CA10: variants seen among roughly 807,000 people sequenced by gnomAD.
CA10 encodes the protein carbonic anhydrase 10 (inactive).
CA10 carries 14 observed loss-of-function variants against 44.2 expected under a neutral mutation model. The observed-to-expected ratio is 0.32, with a 90% CI of 0.21 to 0.50. The LOEUF is 0.50. Ranked by LOEUF, CA10 falls within the 20% of genes least tolerant of loss-of-function variation. The probability of loss-of-function intolerance (pLI) is 0.99; values close to 1 mark genes in which losing one functional copy is unlikely to be tolerated. For synonymous variants in CA10, 159 were observed against 141.6 expected, an observed-to-expected ratio of 1.12 and a Z score of -0.87; for missense variants, 350 against 409.7, an observed-to-expected ratio of 0.85 and a Z score of 1.26.
At chr17:52,037,290 A>G (rs1986646147) in intron 2 of CA10, among the ~76,000 whole-genome samples, 1 of 152,100 alleles carries the variant, frequency 6.6e-6, no homozygotes, top group South Asian at 2.1e-4. Context: ...AGCATTGAGA[A>G]GTAGAAAAGA....
At chr17:52,070,612 C>A (rs911223379) in intron 2 of CA10, 1 of 152,174 alleles carries the variant, frequency 6.6e-6, no homozygotes, top group Admixed American at 6.5e-5. Flanking sequence ...GTTACTGCTT[C>A]CCATGTAGTA....
intron 4 of CA10, among the ~76,000 whole-genome samples, chr17:51,697,071 T>C (rs1195483073): frequency 2.1e-5 from 3 of 146,178 alleles, no homozygotes; most frequent in Non-Finnish European, 4.4e-5. Flanking sequence ...TAAGAGGTAA[T>C]AATGCAACGT....
intron 4 of CA10, among the ~76,000 whole-genome samples, chr17:51,692,391 CTATCTA>C (rs1915236325): frequency 7.8e-6 from 1 of 127,802 alleles, no homozygotes. Context: ...ATCTATCTAT[CTATCTA>C]TCTATCTATC....
At chr17:51,955,668 C>T (rs1983639148) in intron 2 of CA10, among the ~76,000 whole-genome samples, 1 of 152,136 alleles carries the variant, frequency 6.6e-6, no homozygotes, top group Non-Finnish European at 1.5e-5. Context: ...TCAAAGCCTT[C>T]TACTCTAAGC....
intron 3 of CA10, among the ~76,000 whole-genome samples, chr17:51,899,405 T>C (rs1981213190): frequency 6.6e-6 from 1 of 152,142 alleles, no homozygotes; most frequent in African/African-American, 2.4e-5. Flanking sequence ...TTGATTGCAC[T>C]GGGGTATGAG....
chr17:51,962,910 G>C (rs1285026102), intron 2 of CA10, among the ~76,000 whole-genome samples: 1 of 152,142 alleles, frequency 6.6e-6, no homozygotes, highest in African/African-American at 2.4e-5. Context: ...TAGTTCTCCA[G>C]CAATGGTCTC....
chr17:51,863,068 C>T (rs1979384522), intron 3 of CA10, among the ~76,000 whole-genome samples: 1 of 152,122 alleles, frequency 6.6e-6, no homozygotes, highest in Non-Finnish European at 1.5e-5. Flanking sequence ...AAATTGTATA[C>T]ACCCTCTAAA....
chr17:51,697,459 T>C (rs1359085404), intron 4 of CA10, among the ~76,000 whole-genome samples: 1 of 152,246 alleles, frequency 6.6e-6, no homozygotes, highest in Non-Finnish European at 1.5e-5. Flanking sequence ...ACATCAAGTC[T>C]TGGCTCTCAT....
chr17:51,892,120 G>C lies in CA10; in HGVS notation c.279+38870C>G, dbSNP rs553772087. Among the ~76,000 whole-genome samples the C allele has an allele frequency of 1.6e-4, 25 of 152,298 alleles. No individual in the cohort carries two copies. In the East Asian group the frequency reaches 4.3e-3, roughly 26 times the overall value. ...TTAATTTGGCTGTAATGCATGGCTGGACTTGGAGAGAATAGTTACAAAGAG... is the reference window on the plus strand; with the variant it reads ...TTAATTTGGCTGTAATGCATGGCTGCACTTGGAGAGAATAGTTACAAAGAG... On this transcript the variant is annotated intron_variant, in intron 3 of 8. Coordinates refer to ENST00000451037, the MANE Select transcript of CA10 (RefSeq NM_020178.5).
intron 2 of CA10, among the ~76,000 whole-genome samples, chr17:52,033,204 T>C (rs1257187403): frequency 6.6e-6 from 1 of 152,162 alleles, no homozygotes; most frequent in African/African-American, 2.4e-5. Flanking sequence ...AGTAGTAAAA[T>C]TGGATACTGT....
At chr17:51,880,587 A>G (rs1483752292) in intron 3 of CA10, among the ~76,000 whole-genome samples, 1 of 152,098 alleles carries the variant, frequency 6.6e-6, no homozygotes, top group Non-Finnish European at 1.5e-5. Flanking sequence ...TAGGTGTGAG[A>G]CATTGTGCCC....
chr17:51,995,962 C>T (rs1985220748), intron 2 of CA10, among the ~76,000 whole-genome samples: 2 of 152,042 alleles, frequency 1.3e-5, no homozygotes, highest in South Asian at 4.1e-4. Context: ...CTTCAGAACT[C>T]ACTATTATAC....
At chr17:51,716,533 G>C (rs1217787564) in intron 4 of CA10, among the ~76,000 whole-genome samples, 4 of 152,100 alleles carry the variant, frequency 2.6e-5, no homozygotes, top group African/African-American at 9.7e-5. Flanking sequence ...GTCCCCTCCT[G>C]GTTCTTGCCA....
At chr17:51,635,430 T>A (rs1364014369) in intron 7 of CA10, among the ~76,000 whole-genome samples, 2 of 151,856 alleles carry the variant, frequency 1.3e-5, no homozygotes, top group South Asian at 2.1e-4. Context: ...CAAGAATCGC[T>A]TGAACCCAGG....
At chr17:52,075,544 A>G (rs1412559207) in intron 1 of CA10, among the ~76,000 whole-genome samples, 2 of 152,240 alleles carry the variant, frequency 1.3e-5, no homozygotes, top group East Asian at 3.8e-4. Flanking sequence ...TAAATAAAAC[A>G]GTTTTTCCAA....
At chr17:51,957,034 T>G (rs981241294) in intron 2 of CA10, among the ~76,000 whole-genome samples, 2 of 152,168 alleles carry the variant, frequency 1.3e-5, no homozygotes, top group African/African-American at 2.4e-5. Flanking sequence ...CTGGCCCAGA[T>G]TGCTTTTATT....
rs540030147 is a variant in CA10, at chr17:52,134,460, T to A, written c.61+23266A>T. On this transcript the variant is annotated intron_variant, in intron 1 of 8. Coordinates refer to ENST00000451037, the MANE Select transcript of CA10 (RefSeq NM_020178.5). Reference sequence around the variant, plus strand: ...ATTATTTAATATCACTGAGTCTCAGTCTGTTCACCTCTATAGGCATGATAA... The same window carrying A: ...ATTATTTAATATCACTGAGTCTCAGACTGTTCACCTCTATAGGCATGATAA... Among the ~76,000 whole-genome samples, 5 of 152,280 alleles carry A rather than the reference T, an allele frequency of 3.3e-5. No homozygotes were observed. The South Asian group carries it at 1.0e-3, about 32-fold the overall frequency.
intron 1 of CA10, among the ~76,000 whole-genome samples, chr17:52,139,094 G>A (rs895011952): frequency 3.3e-5 from 5 of 152,184 alleles, no homozygotes; most frequent in Non-Finnish European, 5.9e-5. Context: ...TATAATACCC[G>A]GTGTAGGGGG....
chr17:51,732,234 G>A (rs1184704850), intron 4 of CA10, among the ~76,000 whole-genome samples: 1 of 152,226 alleles, frequency 6.6e-6, no homozygotes, highest in Non-Finnish European at 1.5e-5. Flanking sequence ...CCAGGAAGAT[G>A]AGTCACATGG....
Sources: allele counts gnomAD v4.1 joint callset (sites outside exome capture counted in the v4.1 genomes callset), GRCh38; gene constraint gnomAD v4.1.1; transcripts MANE v1.5; gene names NCBI Gene and HGNC (gene_info 2026-07-23, HGNC 2026-07-21).